PAN3: variants seen among roughly 807,000 people sequenced by gnomAD.
PAN3 encodes the protein PAN2-PAN3 deadenylation complex subunit PAN3.
In PAN3, 19 loss-of-function variants were observed where a neutral mutation model predicts 96.2. The ratio of observed to expected loss-of-function variants is 0.20; its 90% CI spans 0.14 to 0.29. The LOEUF is 0.29. Ranked by LOEUF, PAN3 falls within the 10% of genes least tolerant of loss-of-function variation. The pLI, the probability that PAN3 is intolerant of heterozygous loss-of-function variation, is 1.00. For missense variants in PAN3, 882 were observed against 1,108.1 expected, an observed-to-expected ratio of 0.80 and a Z score of 2.90; for synonymous variants, 433 against 406.6, an observed-to-expected ratio of 1.06 and a Z score of -0.78.
At chr13:28,240,109 G>A (rs1318663085) in intron 6 of PAN3, 1 of 152,264 alleles carries the variant, frequency 6.6e-6, no homozygotes, top group Non-Finnish European at 1.5e-5. Context: ...TATTTTGCTA[G>A]TTTAGTGAGT....
intron 5 of PAN3, chr13:28,214,503 C>T: frequency 3.8e-6 from 1 of 260,972 alleles, no homozygotes; most frequent in South Asian, 4.4e-5. Flanking sequence ...ATGAAAACTA[C>T]CCCTAACAGC....
chr13:28,276,938 C>T (rs943123241), intron 14 of PAN3, among the ~76,000 whole-genome samples: 1 of 152,084 alleles, frequency 6.6e-6, no homozygotes, highest in Non-Finnish European at 1.5e-5. Context: ...TTGTAGTTGG[C>T]ATGGGAATTG....
chr13:28,247,949 T>C (rs906017116), intron 6 of PAN3, among the ~76,000 whole-genome samples: 10 of 152,194 alleles, frequency 6.6e-5, no homozygotes, highest in Non-Finnish European at 1.0e-4. Context: ...TTTCTGTTTA[T>C]GTAAAGAATG....
At chr13:28,277,531 A>G (rs1227896192) in intron 15 of PAN3, among the ~76,000 whole-genome samples, 155 bp downstream of exon 15, 1 of 152,250 alleles carries the variant, frequency 6.6e-6, no homozygotes, top group Admixed American at 6.5e-5. Flanking sequence ...AATATTTCTT[A>G]GATAAATTGA....
chr13:28,213,938 C>T (rs909358260), intron 5 of PAN3, among the ~76,000 whole-genome samples: 2 of 152,040 alleles, frequency 1.3e-5, no homozygotes, highest in Non-Finnish European at 2.9e-5. Flanking sequence ...GTATGTATTC[C>T]TGAGTACATA....
chr13:28,167,187 C>G (rs1005908154), intron 1 of PAN3, among the ~76,000 whole-genome samples: 1 of 148,880 alleles, frequency 6.7e-6, no homozygotes, highest in African/African-American at 2.5e-5. Context: ...GTACTCTCTT[C>G]CAATACCACA....
intron 18 of PAN3, 33 bp from the exon 19 acceptor site, chr13:28,292,349 T>C (rs201452449): frequency 5.7e-5 from 87 of 1,518,048 alleles, no homozygotes; most frequent in Middle Eastern, 4.8e-4. Context: ...CTGCATGTTA[T>C]GAATTTCATA....
At chr13:28,271,451 C>T (rs1340242316) in intron 13 of PAN3, among the ~76,000 whole-genome samples, 1 of 152,166 alleles carries the variant, frequency 6.6e-6, no homozygotes, top group African/African-American at 2.4e-5. Flanking sequence ...AAGTTCATAT[C>T]CTGGCTTTGA....
At chr13:28,242,565 A>C (rs1883775475) in intron 6 of PAN3, among the ~76,000 whole-genome samples, 1 of 152,174 alleles carries the variant, frequency 6.6e-6, no homozygotes, top group Non-Finnish European at 1.5e-5. Context: ...TGTCAAGAAA[A>C]TCTTCATCAA....
At chr13:28,215,704 C>A in intron 5 of PAN3, 1 of 1,488,414 alleles carries the variant, frequency 6.7e-7, no homozygotes, top group Non-Finnish European at 9.1e-7. Flanking sequence ...TCTGGTGATG[C>A]CGCCATTGTT....
chr13:28,156,992 C>CAAAAAAAAA (rs35448291), intron 1 of PAN3, among the ~76,000 whole-genome samples: 2 of 18,450 alleles, frequency 1.1e-4, no homozygotes, highest in African/African-American at 3.3e-4. Context: ...GAGACCCTGT[C>CAAAAAAAAA]AAAAAAAAAA....
chr13:28,267,758 C>T (rs1200180510), intron 12 of PAN3, among the ~76,000 whole-genome samples: 4 of 152,180 alleles, frequency 2.6e-5, no homozygotes, highest in African/African-American at 9.6e-5. Flanking sequence ...CTATTCACTA[C>T]CACGAGAACA....
chr13:28,229,572 G>C (rs185033582), intron 6 of PAN3, among the ~76,000 whole-genome samples: 2 of 152,048 alleles, frequency 1.3e-5, no homozygotes, highest in African/African-American at 4.8e-5. Flanking sequence ...CTTTCCACTG[G>C]TCTTCTGCTC....
At chr13:28,288,521 A>T (rs1593643853) in intron 18 of PAN3, among the ~76,000 whole-genome samples, 1 of 152,242 alleles carries the variant, frequency 6.6e-6, no homozygotes, top group South Asian at 2.1e-4. Context: ...CGAACTCCTC[A>T]CTTCAAGTGA....
chr13:28,239,144 C>T, intron 6 of PAN3, among the ~76,000 whole-genome samples: 1 of 25,146 alleles, frequency 4.0e-5, no homozygotes, highest in Non-Finnish European at 8.5e-5. Flanking sequence ...CCCACCCCCC[C>T]CACCCCCCAC....
intron 14 of PAN3, among the ~76,000 whole-genome samples, chr13:28,275,376 A>G (rs2138692136): frequency 6.6e-6 from 1 of 152,186 alleles, no homozygotes; most frequent in East Asian, 1.9e-4. Flanking sequence ...CTGTCTCATA[A>G]TAGAGAATAA....
At chr13:28,278,921 C>G (rs1887260168) in intron 15 of PAN3, among the ~76,000 whole-genome samples, 1 of 151,876 alleles carries the variant, frequency 6.6e-6, no homozygotes, top group Non-Finnish European at 1.5e-5. Flanking sequence ...TACTATATGC[C>G]AAATGCAGGA....
At chr13:28,219,556 A>G (rs929958830) in intron 5 of PAN3, among the ~76,000 whole-genome samples, 1 of 152,244 alleles carries the variant, frequency 6.6e-6, no homozygotes, top group Non-Finnish European at 1.5e-5. Flanking sequence ...AAAGCTAAAA[A>G]TAGCATGCCA....
intron 5 of PAN3, among the ~76,000 whole-genome samples, chr13:28,207,900 A>G (rs1175124498): frequency 2.0e-5 from 3 of 152,164 alleles, no homozygotes; most frequent in Non-Finnish European, 4.4e-5. Context: ...CACAGTGTCT[A>G]TGTTTTATGT....
Sources: gnomAD v4.1 joint callset for allele counts (sites outside exome capture counted in the v4.1 genomes callset) on GRCh38, gnomAD v4.1.1 for gene constraint, MANE v1.5 for transcripts, NCBI Gene and HGNC (gene_info 2026-07-23, HGNC 2026-07-21) for gene names.